GPRC6A: variants seen among roughly 807,000 people sequenced by gnomAD.
GPRC6A encodes G protein-coupled receptor class C group 6 member A.
Under a neutral mutation model 47.0 loss-of-function variants are expected in GPRC6A, and 54 were observed. The observed-to-expected ratio is 1.15, with a 90% CI of 0.92 to 1.44. GPRC6A has a LOEUF of 1.44. Ranked by LOEUF, GPRC6A falls within the 40% of genes most tolerant of loss-of-function variation. The pLI is 0.00. For missense variants in GPRC6A, 1,112 were observed against 1,105.5 expected (o/e 1.01, Z -0.08); for synonymous variants, 347 against 377.1 (o/e 0.92, Z 0.93).
In GPRC6A at chr6:116,807,161, A is replaced by AT; in HGVS notation, c.543_544insA (p.Phe182IlefsTer11). On this transcript the variant is annotated frameshift_variant, in exon 3 of 6. Coordinates refer to ENST00000310357, the MANE Select transcript of GPRC6A (RefSeq NM_148963.4). LOFTEE classifies it high-confidence loss of function. ...GGCACAGTCCGTAAAAATGAAGGAAAGCGAATTTTGTCACTCAGGATTTCT... is the reference window on the plus strand; with the variant it reads ...GGCACAGTCCGTAAAAATGAAGGAAATGCGAATTTTGTCACTCAGGATTTCT... The AT allele has an allele frequency of 1.2e-6, 2 of 1,613,486 alleles. No individual in the cohort carries two copies. The highest frequency in any genetic ancestry group is 1.7e-6 in the Non-Finnish European group (2 of 1,179,654).
chr6:116,806,691 G>T lies in GPRC6A; in HGVS notation c.1014C>A (p.Ser338=). The change falls in exon 3 of 6, where the codon TCC becomes TCA. Residue 338 remains serine, a synonymous_variant. Coordinates refer to ENST00000310357, the MANE Select transcript of GPRC6A (RefSeq NM_148963.4). ...GAAGCAAGTGCAGATTTTGAAGAAA[G>T]GAATGGAAAGAGGATATATTCCCTC... The part of the protein sequence containing the change: ...FRRGNISSFH[S]FLQNLHLLPS... The T allele has an allele frequency of 6.2e-7, 1 of 1,613,476 alleles. No individual in the cohort carries two copies. The highest frequency in any genetic ancestry group is 1.7e-5 in the Admixed American group (1 of 59,916).
chr6:116,806,815 T>C lies in GPRC6A; in HGVS notation c.890A>G (p.Lys297Arg). Reference protein sequence around the residue: ...FNKAIEMNINKMWIASDNWST... With the variant: ...FNKAIEMNINRMWIASDNWST... ...CCAATTATCACTAGCAATCCACATC[T>C]TATTTATATTCATTTCAATGGCTTT... The change falls in exon 3 of 6, where the codon AAG becomes AGG. Residue 297 changes from lysine to arginine, a missense_variant. Transcript: ENST00000310357. The C allele has an allele frequency of 6.2e-7, 1 of 1,613,514 alleles. No homozygotes were observed. Among genetic ancestry groups the C allele is most frequent in the Non-Finnish European group, 8.5e-7 (1 of 1,179,674 alleles).
intron 3 of GPRC6A, among the ~76,000 whole-genome samples, chr6:116,804,300 G>A (rs1772772016): frequency 6.6e-6 from 1 of 151,992 alleles, no homozygotes; most frequent in African/African-American, 2.4e-5. Context: ...GCCAAAATAA[G>A]TGCTATCCTC....
At chr6:116,800,926 T>C (rs1171100376) in intron 3 of GPRC6A, 130 bp from the exon 4 acceptor site, 4 of 639,584 alleles carry the variant, frequency 6.3e-6, no homozygotes, top group Non-Finnish European at 1.1e-5. Context: ...AAATCACTGG[T>C]TGGAGAATTC....
At chr6:116,811,690 A>G (rs1773029240) in intron 1 of GPRC6A, among the ~76,000 whole-genome samples, 2 of 152,294 alleles carry the variant, frequency 1.3e-5, no homozygotes, top group Middle Eastern at 3.4e-3. Context: ...GAAATTCTGC[A>G]ACTGAACAAT....
intron 2 of GPRC6A, among the ~76,000 whole-genome samples, chr6:116,808,526 A>G (rs893905199): frequency 5.3e-5 from 8 of 152,096 alleles, no homozygotes; most frequent in African/African-American, 1.7e-4. Flanking sequence ...ATGGAATGCT[A>G]ATAGTCTTTA....
At chr6:116,817,588 A>G (rs1773270744) in intron 1 of GPRC6A, among the ~76,000 whole-genome samples, 1 of 152,256 alleles carries the variant, frequency 6.6e-6, no homozygotes, top group Non-Finnish European at 1.5e-5. Flanking sequence ...ACTCTGAGCT[A>G]TGGGAGGACA....
chr6:116,809,418 C>A lies in GPRC6A; in HGVS notation c.394G>T (p.Asp132Tyr). The A allele has an allele frequency of 6.2e-7, 1 of 1,613,650 alleles. No homozygotes were observed. The highest frequency in any genetic ancestry group is 1.1e-5 in the South Asian group (1 of 91,060). Residue 132 changes from aspartate (D) to tyrosine (Y), a missense_variant, in exon 2 of 6, where the codon GAC becomes TAC. By Grantham distance (160) the Asp-to-Tyr change is radical. Coordinates refer to ENST00000310357, the MANE Select transcript of GPRC6A (RefSeq NM_148963.4). Reference protein sequence around the residue: ...CSRETVEFKCDYSSYMPRVKA... With the variant: ...CSRETVEFKCYYSSYMPRVKA... ...ACTCTTGGCATGTAGCTGGAATAGT[C>A]ACACTTAAACTCCACAGTTTCTCTG...
Position 116,806,407 on chromosome 6 carries a change from C to G in GPRC6A, c.1298G>C (p.Arg433Pro). 1 of 1,612,510 alleles carries G rather than the reference C, an allele frequency of 6.2e-7. No individual in the cohort carries two copies. The highest frequency in any genetic ancestry group is 1.1e-5 in the South Asian group (1 of 90,976). ...AAAGGCGTTGGGGTTCTGACAGTCA[C>G]GAGCTTGACACAGATCCCGAATGGC... ...GYAIRDLCQARDCQNPNAFQP... is the reference protein window; with the variant it reads ...GYAIRDLCQAPDCQNPNAFQP... The change falls in exon 3 of 6, where the codon CGT becomes CCT. Residue 433 changes from arginine to proline, a missense_variant. By Grantham distance (103) the Arg-to-Pro change is moderately radical. Coordinates refer to ENST00000310357, the MANE Select transcript of GPRC6A (RefSeq NM_148963.4).
At position 116,807,134 on chromosome 6, in the gene GPRC6A, T is replaced by C. The variant is rs1772874946; in HGVS notation, c.571A>G (p.Ser191Gly). The part of the protein sequence containing the change: ...RFPSFLRTVP[S>G]DFHQIKAMAH... ...ATTGCTTTAATTTGATGGAAGTCAC[T>C]GGGCACAGTCCGTAAAAATGAAGGA... The change falls in exon 3 of 6, where the codon AGT becomes GGT. Residue 191 changes from serine (S) to glycine (G), a missense_variant. Ser to Gly is a moderately conservative substitution (Grantham distance 56). Transcript: ENST00000310357. The C allele has an allele frequency of 6.2e-6, 10 of 1,613,720 alleles. No individual in the cohort carries two copies. Among genetic ancestry groups the C allele is most frequent in the African/African-American group, 1.3e-5 (1 of 75,014 alleles).
chr6:116,819,216 G>T (rs1189769764), intron 1 of GPRC6A, among the ~76,000 whole-genome samples: 1 of 151,480 alleles, frequency 6.6e-6, no homozygotes, highest in Non-Finnish European at 1.5e-5. Flanking sequence ...AGCAAGTCCT[G>T]AGTGACCTAC....
At chr6:116,822,891 T>C (rs1415762899) in intron 1 of GPRC6A, among the ~76,000 whole-genome samples, 2 of 117,510 alleles carry the variant, frequency 1.7e-5, no homozygotes, top group South Asian at 5.7e-4. Context: ...TACTAGTCTC[T>C]AAAAAAAAAA....
At chr6:116,814,673 A>C (rs1326012220) in intron 1 of GPRC6A, among the ~76,000 whole-genome samples, 1 of 152,188 alleles carries the variant, frequency 6.6e-6, no homozygotes, top group African/African-American at 2.4e-5. Context: ...TCGTGGGTGC[A>C]GCAAACCAAC....
intron 1 of GPRC6A, among the ~76,000 whole-genome samples, chr6:116,820,659 C>A (rs1204818085): frequency 6.6e-6 from 1 of 151,522 alleles, no homozygotes; most frequent in Non-Finnish European, 1.5e-5. Context: ...AATTCAACAA[C>A]CCTTCATGCT....
chr6:116,795,898 T>G, intron 4 of GPRC6A, 63 bp from the exon 5 acceptor site: 4 of 1,084,178 alleles, frequency 3.7e-6, no homozygotes, highest in African/African-American at 1.6e-5. Flanking sequence ...CCTAATCGAT[T>G]ATCCTCGGCT....
At chr6:116,818,856 A>C (rs1207430763) in intron 1 of GPRC6A, among the ~76,000 whole-genome samples, 1 of 152,050 alleles carries the variant, frequency 6.6e-6, no homozygotes, top group African/African-American at 2.4e-5. Context: ...CACACATAAC[A>C]ATATTAACTT....
chr6:116,808,102 A>G (rs963657080), intron 2 of GPRC6A, among the ~76,000 whole-genome samples: 4 of 151,998 alleles, frequency 2.6e-5, no homozygotes, highest in Non-Finnish European at 4.4e-5. Flanking sequence ...TAAATTTGGG[A>G]ACGTTATTTA....
intron 1 of GPRC6A, among the ~76,000 whole-genome samples, chr6:116,815,267 G>C (rs905481126): frequency 4.6e-5 from 7 of 152,142 alleles, no homozygotes; most frequent in African/African-American, 1.7e-4. Context: ...TGGATCACTT[G>C]AGGTCAGGAC....
intron 4 of GPRC6A, 26 bp from the exon 5 acceptor site, chr6:116,795,861 C>T (rs1772471145): frequency 6.7e-7 from 1 of 1,486,732 alleles, no homozygotes; most frequent in Non-Finnish European, 9.2e-7. Flanking sequence ...AAAAAAAAAT[C>T]ACAAGTAAAT....
Sources: gnomAD v4.1 joint callset for allele counts (sites outside exome capture counted in the v4.1 genomes callset) on GRCh38, gnomAD v4.1.1 for gene constraint, MANE v1.5 for transcripts, NCBI Gene and HGNC (gene_info 2026-07-23, HGNC 2026-07-21) for gene names.